Variants in LPAR6 observed in about 807,000 individuals in gnomAD.
LPAR6 encodes the protein G-protein coupled purinergic receptor P2Y5.
Under a neutral mutation model 22.0 loss-of-function variants are expected in LPAR6, and 17 were observed. That is an observed-to-expected ratio of 0.77 (90% CI 0.53 to 1.16). The LOEUF (loss-of-function observed/expected upper bound fraction) is 1.16, where lower values mean the gene tolerates loss of function less well. LPAR6 is among the 50% of genes most tolerant of loss of function. The probability of loss-of-function intolerance (pLI) is 0.00; values close to 1 mark genes in which losing one functional copy is unlikely to be tolerated. For missense variants in LPAR6, 384 were observed against 406.9 expected, an observed-to-expected ratio of 0.94 and a Z score of 0.48; for synonymous variants, 136 against 139.8, an observed-to-expected ratio of 0.97 and a Z score of 0.19.
chr13:48,414,341 T>G (rs1405449239), upstream of LPAR6, among the ~76,000 whole-genome samples: 1 of 134,818 alleles, frequency 7.4e-6, no homozygotes, highest in Non-Finnish European at 1.6e-5. Context: ...CGAGACTATC[T>G]CAAAAAAAAA....
Position 48,396,186 on chromosome 13 carries a change from C to T in LPAR6, n.115-6374G>A, listed in dbSNP as rs9595899. 2.6e-3 allele frequency among the ~76,000 whole-genome samples: 392 copies of T among 152,072 alleles called. 2 individuals carry two copies. Among genetic ancestry groups the T allele is most frequent in the Middle Eastern group, 0.014 (4 of 294 alleles). ...AGAACCTAAAAAGAGCCCATATAGC[C>T]GAGACAATCTTAAGCAAAAAGAACA... is the stretch of plus-strand genomic sequence containing the variant. On this transcript the variant is annotated intron_variant and non_coding_transcript_variant, in intron 1 of 1. Coordinates refer to the LPAR6 transcript ENST00000462781.
upstream of LPAR6, among the ~76,000 whole-genome samples, chr13:48,431,254 A>T (rs1949126917): frequency 6.6e-6 from 1 of 151,922 alleles, no homozygotes; most frequent in African/African-American, 2.4e-5. Context: ...TAATATTTGT[A>T]TTTTTTTTAA....
intron 2 of LPAR6, among the ~76,000 whole-genome samples, chr13:48,421,987 T>C (rs1463732376): frequency 6.6e-6 from 1 of 152,134 alleles, no homozygotes. Context: ...GAACCAGAAA[T>C]ACCATTTGAC....
upstream of LPAR6, chr13:48,429,400 G>T (rs972629527): frequency 6.6e-6 from 1 of 152,176 alleles, no homozygotes; most frequent in Non-Finnish European, 1.5e-5. Context: ...GCATCAATAT[G>T]GTGACCTCCT....
chr13:48,429,647 T>C (rs932656194), upstream of LPAR6: 1 of 152,144 alleles, frequency 6.6e-6, no homozygotes, highest in Non-Finnish European at 1.5e-5. Context: ...GAATACACTT[T>C]TTGTGTTTTT....
intron 1 of LPAR6, among the ~76,000 whole-genome samples, chr13:48,436,018 G>A (rs1949179852): frequency 6.6e-6 from 1 of 152,128 alleles, no homozygotes; most frequent in Non-Finnish European, 1.5e-5. Context: ...GAAATCTATT[G>A]TAAATATAAA....
intron 1 of LPAR6, among the ~76,000 whole-genome samples, chr13:48,397,343 A>C (rs1296986098): frequency 6.6e-6 from 1 of 152,216 alleles, no homozygotes; most frequent in Non-Finnish European, 1.5e-5. Flanking sequence ...TGTCCTTTGC[A>C]GGGACATGGA....
chr13:48,425,351 T>G (rs1949064397), intron 1 of LPAR6, among the ~76,000 whole-genome samples: 1 of 152,228 alleles, frequency 6.6e-6, no homozygotes, highest in Admixed American at 6.5e-5. Flanking sequence ...TCAAGGATGC[T>G]ATGTAACCTA....
intron 1 of LPAR6, among the ~76,000 whole-genome samples, chr13:48,424,558 G>C (rs919386362): frequency 1.3e-5 from 2 of 152,038 alleles, no homozygotes; most frequent in African/African-American, 4.8e-5. Context: ...ACTTGAATAA[G>C]CATATTTATC....
At chr13:48,396,165 C>T (rs916555295) in intron 1 of LPAR6, among the ~76,000 whole-genome samples, 15 of 152,086 alleles carry the variant, frequency 9.9e-5, no homozygotes, top group Non-Finnish European at 2.2e-4. Flanking sequence ...TTATATAGAA[C>T]CTAAAAAGAG....
In LPAR6 at chr13:48,422,005, G is replaced by T. The variant is rs146268938; in HGVS notation, c.-954+645C>A. On this transcript the variant is annotated intron_variant, in intron 2 of 4. Transcript: ENST00000345941. ...CCAGAAATACCATTTGACCCAGCAAGCCCATTACTGGGTATATACCCAAAG... is the reference window on the plus strand; with the variant it reads ...CCAGAAATACCATTTGACCCAGCAATCCCATTACTGGGTATATACCCAAAG... Among the ~76,000 whole-genome samples the T allele has an allele frequency of 7.9e-3, 1,197 of 152,162 alleles. 21 individuals carry two copies. The highest frequency in any genetic ancestry group is 6.4e-3 in the Non-Finnish European group (434 of 67,996).
chr13:48,411,208 C>A lies in LPAR6; in HGVS notation c.*181G>T, dbSNP rs1593479676. ...TCAGAAAAATCAGATGGAGTGGATA[C>A]ACAAATAAAATACATGTTAATGCTT... On this transcript the variant is annotated 3_prime_UTR_variant, in exon 1 of 1. Transcript: ENST00000620633. 5.4e-6 allele frequency: 3 copies of A among 553,150 alleles called. No individual in the cohort carries two copies. The highest frequency in any genetic ancestry group is 3.2e-6 in the Non-Finnish European group (1 of 311,486). 34.3% of individuals were successfully genotyped at this position (553,150 alleles called of 1,614,324 possible).
In LPAR6 at chr13:48,412,501, C is replaced by T; in HGVS notation, c.-78G>A. ...TCCTTTGGGATTCAGATTATAACCTCTATAACCTCCAATTTATTTGCAAAT... is the reference window on the plus strand; with the variant it reads ...TCCTTTGGGATTCAGATTATAACCTTTATAACCTCCAATTTATTTGCAAAT... On this transcript the variant is annotated 5_prime_UTR_variant, in exon 1 of 1. The change abolishes the stop of an existing upstream ORF in the 5' untranslated region. Coordinates refer to ENST00000620633, the MANE Select transcript of LPAR6 (RefSeq NM_001162498.3). 1 of 897,726 alleles carries T rather than the reference C, an allele frequency of 1.1e-6. No individual in the cohort carries two copies. Among genetic ancestry groups the T allele is most frequent in the Admixed American group, 1.7e-5 (1 of 57,822 alleles). The allele number at this position is 897,726 out of a possible 1,614,324, so 55.6% of individuals were successfully genotyped here. A position where few individuals can be genotyped will look rare whatever the true frequency, so the allele number is the denominator to read the frequency against.
chr13:48,409,282 C>T (rs1263170559), downstream of LPAR6, among the ~76,000 whole-genome samples: 1 of 150,246 alleles, frequency 6.7e-6, no homozygotes, highest in Admixed American at 6.7e-5. Context: ...TTAGGTTTAT[C>T]TAAAGGAAAC....
At chr13:48,433,404 TGAA>T (rs146086449) in intron 1 of LPAR6, among the ~76,000 whole-genome samples, 1,779 of 152,268 alleles carry the variant, frequency 0.012, 38 homozygotes, top group African/African-American at 0.041. Context: ...GTATACTATT[TGAA>T]GAAGAGAATT....
At chr13:48,417,483 A>G (rs1391672968), upstream of LPAR6, among the ~76,000 whole-genome samples, 1 of 152,212 alleles carries the variant, frequency 6.6e-6, no homozygotes, top group Non-Finnish European at 1.5e-5. Flanking sequence ...AACCAGCGCA[A>G]AAAGGCTGAC....
intron 1 of LPAR6, among the ~76,000 whole-genome samples, chr13:48,393,281 C>T (rs1948624507): frequency 6.6e-6 from 1 of 152,224 alleles, no homozygotes; most frequent in Admixed American, 6.5e-5. Flanking sequence ...CTCTAGTATT[C>T]TGTCCTGCTA....
intron 1 of LPAR6, among the ~76,000 whole-genome samples, chr13:48,436,630 C>G (rs1224501347): frequency 1.4e-5 from 2 of 147,656 alleles, no homozygotes; most frequent in East Asian, 2.0e-4. Context: ...GTGACAAGAG[C>G]AAGACTCTCT....
upstream of LPAR6, among the ~76,000 whole-genome samples, chr13:48,414,478 T>C (rs1948875161): frequency 6.6e-6 from 1 of 152,022 alleles, no homozygotes; most frequent in Non-Finnish European, 1.5e-5. Context: ...CTATGGCACA[T>C]GTTTTTCTTG....
Sources: gnomAD v4.1 joint callset for allele counts (sites outside exome capture counted in the v4.1 genomes callset) on GRCh38, gnomAD v4.1.1 for gene constraint, MANE v1.5 for transcripts, NCBI Gene and HGNC (gene_info 2026-07-23, HGNC 2026-07-21) for gene names.